NT5C1B: variants seen among roughly 807,000 people sequenced by gnomAD.
NT5C1B encodes the protein 5'-nucleotidase, cytosolic IB, also known as cytosolic 5'-nucleotidase 1B.
In NT5C1B, 44 loss-of-function variants were observed where a neutral mutation model predicts 57.8. The observed-to-expected ratio is 0.76, with a 90% CI of 0.60 to 0.98. The LOEUF is 0.98. NT5C1B is among the 50% of genes least tolerant of loss of function. The probability of loss-of-function intolerance (pLI) is 0.00; values close to 1 mark genes in which losing one functional copy is unlikely to be tolerated. For missense variants in NT5C1B, 742 were observed against 719.5 expected (o/e 1.03, Z -0.36); for synonymous variants, 284 against 282.6 (o/e 1.00, Z -0.05).
At chr2:18,572,111 T>C (rs1333993043) in intron 8 of NT5C1B, among the ~76,000 whole-genome samples, 1 of 146,402 alleles carries the variant, frequency 6.8e-6, no homozygotes, top group South Asian at 2.1e-4. Context: ...AAAGAACTAC[T>C]ATAAAACTAC....
In NT5C1B at chr2:18,584,526, C is replaced by T; in HGVS notation, c.711G>A (p.Ser237=). The T allele has an allele frequency of 1.2e-6, 2 of 1,610,160 alleles. No homozygotes were observed. The highest frequency in any genetic ancestry group is 1.7e-6 in the Non-Finnish European group (2 of 1,178,674). The change falls in exon 4 of 9, where the codon TCG becomes TCA. Residue 237 remains serine, a synonymous_variant. Coordinates refer to ENST00000304081, the Ensembl canonical transcript of NT5C1B. The surrounding 1 kb of genome is among the most constrained non-coding windows in gnomAD (Gnocchi z 5.8). ...CGGGCTGGCTCACCGGCCAGGGGCG[C>T]GAGCAGCTCGGGTTCTTCTCGTAGA...
At chr2:18,586,209 G>A (rs1666694683) in intron 3 of NT5C1B, 45 bp downstream of exon 3, 2 of 1,599,460 alleles carry the variant, frequency 1.3e-6, no homozygotes, top group African/African-American at 2.7e-5. Flanking sequence ...GTTAACCATT[G>A]TTATTATTCT....
rs760388655 is a variant in NT5C1B at position 18,584,109 on chromosome 2, GC to G, written c.869del (p.Gly290AlafsTer32). On this transcript the variant is annotated frameshift_variant, in exon 5 of 9. Coordinates refer to ENST00000304081, the Ensembl canonical transcript of NT5C1B. LOFTEE classifies it high-confidence loss of function. This position sits in a 1 kb window ranked among gnomAD's most constrained non-coding sequence, Gnocchi z 5.8. The stretch of plus-strand genomic sequence containing the variant: ...ATACCTTGACGAAGCGGAACGCCGG[GC>G]CCGGGGTCAGGATGACGTTCTCATT... 2 of 1,614,160 alleles carry G rather than the reference GC, an allele frequency of 1.2e-6. No homozygotes were observed. Among genetic ancestry groups the G allele is most frequent in the South Asian group, 2.2e-5 (2 of 91,072 alleles).
intron 3 of NT5C1B, 182 bp from the exon 4 acceptor site, chr2:18,585,160 A>G: frequency 1.2e-6 from 1 of 836,116 alleles, no homozygotes; most frequent in South Asian, 1.3e-5. Context: ...TTTCTGTTAA[A>G]CAGACACAGA....
chr2:18,586,596 T>C (rs1666731842), intron 2 of NT5C1B: 3 of 806,716 alleles, frequency 3.7e-6, no homozygotes, highest in Non-Finnish European at 5.6e-6. Context: ...AGCATCTATG[T>C]GGGGGTCCAC....
intron 7 of NT5C1B, 137 bp from the exon 8 acceptor site, chr2:18,576,505 C>T (rs1665691453): frequency 7.9e-7 from 1 of 1,263,470 alleles, no homozygotes; most frequent in African/African-American, 1.5e-5. Context: ...CTCTTCACAA[C>T]CACAGACCTC....
At chr2:18,565,910 T>C (rs1664601195) in intron 8 of NT5C1B, among the ~76,000 whole-genome samples, 1 of 152,196 alleles carries the variant, frequency 6.6e-6, no homozygotes, top group Non-Finnish European at 1.5e-5. Context: ...CTGTCATTTT[T>C]CTATATGTAA....
intron 6 of NT5C1B, 29 bp from the exon 7 acceptor site, chr2:18,576,924 T>G: frequency 6.2e-7 from 1 of 1,611,784 alleles, no homozygotes; most frequent in Non-Finnish European, 8.5e-7. Flanking sequence ...GACTTTGTTA[T>G]GACAGAGATT....
At chr2:18,572,687 A>T (rs1300926114) in intron 8 of NT5C1B, among the ~76,000 whole-genome samples, 2 of 152,220 alleles carry the variant, frequency 1.3e-5, no homozygotes, top group Non-Finnish European at 2.9e-5. Context: ...CACTGATAAG[A>T]TGCTCAGTAA....
intron 8 of NT5C1B, among the ~76,000 whole-genome samples, chr2:18,566,020 CTA>C (rs1664611459): frequency 6.6e-6 from 1 of 152,202 alleles, no homozygotes; most frequent in South Asian, 2.1e-4. Context: ...TCTTCCTTGA[CTA>C]TTGCATTTTT....
chr2:18,569,852 T>C (rs1664992168), intron 8 of NT5C1B, among the ~76,000 whole-genome samples: 1 of 152,082 alleles, frequency 6.6e-6, no homozygotes, highest in Non-Finnish European at 1.5e-5. Flanking sequence ...TGACCTGAAT[T>C]AATTTACATA....
At chr2:18,583,106 T>A (rs531324066) in intron 5 of NT5C1B, 109 bp from the exon 6 acceptor site, 12 of 1,385,382 alleles carry the variant, frequency 8.7e-6, no homozygotes, top group Non-Finnish European at 1.1e-5. Flanking sequence ...TGAAGAATCT[T>A]CACTGAGAGA....
In NT5C1B at chr2:18,584,329, A is replaced by T. The variant is rs1251250830; in HGVS notation, c.724-74T>A. The T allele has an allele frequency of 2.9e-5, 46 of 1,575,780 alleles. No individual in the cohort carries two copies. The highest frequency in any genetic ancestry group is 3.9e-5 in the Non-Finnish European group (45 of 1,161,042). On this transcript the variant is annotated intron_variant, in intron 4 of 8. Coordinates refer to ENST00000304081, the Ensembl canonical transcript of NT5C1B. The surrounding 1 kb of genome is among the most constrained non-coding windows in gnomAD (Gnocchi z 5.8). ...GACAGGGTTGGGGCTCCTCCAGGGT[A>T]GGGTGAGAGTAGGACAGCGGGCCCC...
intron 3 of NT5C1B, among the ~76,000 whole-genome samples, chr2:18,585,674 TG>T (rs1666637386): frequency 6.6e-6 from 1 of 152,214 alleles, no homozygotes; most frequent in Non-Finnish European, 1.5e-5. Context: ...TATCCATATA[TG>T]ATTTCAGATT....
chr2:18,581,059 CAG>C (rs1049913768), intron 6 of NT5C1B, among the ~76,000 whole-genome samples: 97 of 152,298 alleles, frequency 6.4e-4, no homozygotes, highest in African/African-American at 2.1e-3. Flanking sequence ...AGCCATATAA[CAG>C]TGAATTATCA....
chr2:18,576,685 A>C, intron 7 of NT5C1B, 88 bp downstream of exon 7: 1 of 1,566,468 alleles, frequency 6.4e-7, no homozygotes. Flanking sequence ...ACAAGACCAT[A>C]AGCCTCATAA....
chr2:18,569,980 A>G (rs907350437), intron 8 of NT5C1B, among the ~76,000 whole-genome samples: 1 of 152,148 alleles, frequency 6.6e-6, no homozygotes, highest in African/African-American at 2.4e-5. Context: ...ACAAATTTAA[A>G]TAATTGAGAT....
rs745547556 is a variant in NT5C1B at position 18,586,234 on chromosome 2, C to T, written c.258+20G>A. The T allele has an allele frequency of 3.5e-5, 57 of 1,611,462 alleles. No individual in the cohort carries two copies. The highest frequency in any genetic ancestry group is 5.0e-5 in the Admixed American group (3 of 59,720). On this transcript the variant is annotated intron_variant, in intron 3 of 8. Transcript: ENST00000304081. ...GTTATTATTCTATCATCTACTACTC[C>T]CTTTCATCTTTACCTCTACCTTAGC... is the stretch of plus-strand genomic sequence containing the variant.
chr2:18,581,975 C>T (rs1666224562), intron 6 of NT5C1B, among the ~76,000 whole-genome samples: 1 of 152,156 alleles, frequency 6.6e-6, no homozygotes, highest in Non-Finnish European at 1.5e-5. Context: ...CTTGATAGGT[C>T]AGCGTGGTGA....
Sources: allele counts gnomAD v4.1 joint callset (sites outside exome capture counted in the v4.1 genomes callset), GRCh38; gene constraint gnomAD v4.1.1; non-coding constraint Gnocchi (gnomAD v3.1); transcripts MANE v1.5; gene names NCBI Gene and HGNC (gene_info 2026-07-23, HGNC 2026-07-21).